Variants in LRP1B observed in about 807,000 individuals in gnomAD.
LRP1B encodes LDL receptor related protein 1B, also known as low-density lipoprotein receptor-related protein 1B.
LRP1B carries 217 observed loss-of-function variants against 556.6 expected under a neutral mutation model. That is an observed-to-expected ratio of 0.39 (90% CI 0.35 to 0.44). The LOEUF (loss-of-function observed/expected upper bound fraction) is 0.44, where lower values mean the gene tolerates loss of function less well. Ranked by LOEUF, LRP1B falls within the 20% of genes least tolerant of loss-of-function variation. LRP1B has a pLI of 1.00. For missense variants in LRP1B, 5,053 were observed against 5,620.8 expected (o/e 0.90, Z 3.23); for synonymous variants, 2,047 against 1,865.8 (o/e 1.10, Z -2.50).
At chr2:140,936,380 G>C (rs1219257798) in intron 20 of LRP1B, among the ~76,000 whole-genome samples, 1 of 138,578 alleles carries the variant, frequency 7.2e-6, no homozygotes, top group African/African-American at 2.7e-5. Flanking sequence ...AAAAAGAAAA[G>C]AAAAGGAAGA....
chr2:141,209,469 C>A (rs1682448810), intron 6 of LRP1B, among the ~76,000 whole-genome samples: 1 of 152,108 alleles, frequency 6.6e-6, no homozygotes, highest in African/African-American at 2.4e-5. Flanking sequence ...TATAAATTAC[C>A]CAGTCTCAGG....
chr2:141,996,713 T>C lies in LRP1B; in HGVS notation c.82+133935A>G, dbSNP rs942520667. Among the ~76,000 whole-genome samples, 177 of 145,736 alleles carry C rather than the reference T, an allele frequency of 1.2e-3. 2 individuals are homozygous for C. The highest frequency in any genetic ancestry group is 1.6e-3 in the South Asian group (7 of 4,462). ...ATTTCCTGTATTTAAATTTTTTCTT[T>C]CCCCCCCCCTACAAACTAGTGACAC... On this transcript the variant is annotated intron_variant, in intron 1 of 90. Transcript: ENST00000389484.
At chr2:140,465,082 G>T (rs566730066) in intron 60 of LRP1B, among the ~76,000 whole-genome samples, 3 of 152,240 alleles carry the variant, frequency 2.0e-5, no homozygotes, top group African/African-American at 7.2e-5. Flanking sequence ...GCAGCATGGT[G>T]CTGGCATCAT....
chr2:141,227,788 A>T (rs192170140), intron 6 of LRP1B, among the ~76,000 whole-genome samples: 2 of 152,212 alleles, frequency 1.3e-5, no homozygotes, highest in Non-Finnish European at 2.9e-5. Context: ...ATTTCTTTAC[A>T]TAAGGGTTAA....
At chr2:141,035,147 T>C (rs1698493665) in intron 11 of LRP1B, among the ~76,000 whole-genome samples, 1 of 151,670 alleles carries the variant, frequency 6.6e-6, no homozygotes, top group South Asian at 2.1e-4. Flanking sequence ...TAGATGGGAA[T>C]TGAACAATGA....
rs776567264 is a variant in LRP1B at position 141,049,048 on chromosome 2, G to C, written c.1727C>G (p.Thr576Ser). 2 of 1,613,542 alleles carry C rather than the reference G, an allele frequency of 1.2e-6. No homozygotes were observed. Among genetic ancestry groups the C allele is most frequent in the South Asian group, 2.2e-5 (2 of 91,076 alleles). Residue 576 changes from threonine to serine, a missense_variant, in exon 11 of 91, where the codon ACC becomes AGC. Coordinates refer to ENST00000389484, the MANE Select transcript of LRP1B (RefSeq NM_018557.3). ...ETNYIYFADT[T>S]SFLIGRQKID... is the part of the protein sequence containing the mutation. The stretch of plus-strand genomic sequence containing the variant: ...CTTCTGCCGGCCAATTAGGAAACTG[G>C]TGGTGTCAGCAAAGTAGATGTAATT...
chr2:141,482,249 G>C (rs138879501), intron 2 of LRP1B, among the ~76,000 whole-genome samples: 79 of 152,222 alleles, frequency 5.2e-4, no homozygotes, highest in East Asian at 2.3e-3. Flanking sequence ...AAATTATTTT[G>C]TTGGATGCTA....
chr2:140,326,332 T>C lies in LRP1B; in HGVS notation c.12224-454A>G, dbSNP rs556838378. The stretch of plus-strand genomic sequence containing the variant: ...TCACGAAGGTACAGTTCTCAGAATA[T>C]ACAAGGTTCATGTATTTAATTAAAA... On this transcript the variant is annotated intron_variant, in intron 79 of 90. Transcript: ENST00000389484. 3.5e-4 allele frequency among the ~76,000 whole-genome samples: 52 copies of C among 149,502 alleles called. 1 individual carries two copies. The highest frequency in any genetic ancestry group is 6.9e-4 in the Non-Finnish European group (47 of 67,994).
chr2:141,210,116 C>T (rs188057951), intron 6 of LRP1B, among the ~76,000 whole-genome samples: 12 of 151,594 alleles, frequency 7.9e-5, no homozygotes, highest in Admixed American at 6.6e-4. Context: ...TGAAATGCGG[C>T]GTGCATTTTA....
chr2:140,252,737 T>C (rs1262682260), intron 86 of LRP1B, among the ~76,000 whole-genome samples: 1 of 152,100 alleles, frequency 6.6e-6, no homozygotes, highest in African/African-American at 2.4e-5. Context: ...TGTGGTCAGC[T>C]GTGCCCAATA....
chr2:140,346,716 A>ATG lies in LRP1B; in HGVS notation c.11892+4079_11892+4080dup, dbSNP rs538373865. On this transcript the variant is annotated intron_variant, in intron 77 of 90. Coordinates refer to ENST00000389484, the MANE Select transcript of LRP1B (RefSeq NM_018557.3). Reference sequence around the variant, plus strand: ...ACCTATGCACTTTGTGTGTGCATGCATGTGTGTGTGTATGTTTGTGATACA... The same window carrying ATG: ...ACCTATGCACTTTGTGTGTGCATGCATGTGTGTGTGTGTATGTTTGTGATACA... Among the ~76,000 whole-genome samples, 263 of 151,934 alleles carry ATG rather than the reference A, an allele frequency of 1.7e-3. 1 individual carries two copies. Among genetic ancestry groups the ATG allele is most frequent in the African/African-American group, 5.1e-3 (211 of 41,526 alleles).
At chr2:140,696,961 C>T (rs1463482428) in intron 41 of LRP1B, among the ~76,000 whole-genome samples, 3 of 152,120 alleles carry the variant, frequency 2.0e-5, no homozygotes, top group Admixed American at 1.3e-4. Flanking sequence ...TCTTTAGATA[C>T]ACTTTCTCAT....
chr2:140,260,183 A>T (rs1345699877), intron 86 of LRP1B, among the ~76,000 whole-genome samples: 1 of 151,982 alleles, frequency 6.6e-6, no homozygotes, highest in African/African-American at 2.4e-5. Context: ...AATATATATT[A>T]TAAGGAGTGT....
At chr2:141,293,334 G>T (rs1686047689) in intron 3 of LRP1B, among the ~76,000 whole-genome samples, 1 of 152,120 alleles carries the variant, frequency 6.6e-6, no homozygotes, top group African/African-American at 2.4e-5. Context: ...AAAATCTTTT[G>T]TTTTCCTGGT....
chr2:141,814,435 G>C (rs535779555), intron 1 of LRP1B, among the ~76,000 whole-genome samples: 1 of 152,136 alleles, frequency 6.6e-6, no homozygotes, highest in South Asian at 2.1e-4. Context: ...TGGCTACTAT[G>C]TTGAGAATAT....
In LRP1B at chr2:140,373,019, C is replaced by G. The variant is rs376189849; in HGVS notation, c.10757G>C (p.Ser3586Thr). ...TTCAATCCTTTTACCTGGCTCACAG[C>G]TTTTCTCATCTTCCCCATATTTGCA... ...EDCKYGEDEK[S>T]CEPASPTCSS... Residue 3586 changes from serine to threonine, a missense_variant, in exon 69 of 91, where the codon AGC (serine) becomes ACC (threonine). Ser to Thr is a moderately conservative substitution (Grantham distance 58, BLOSUM62 1). Coordinates refer to ENST00000389484, the MANE Select transcript of LRP1B (RefSeq NM_018557.3). 62 of 1,613,086 alleles carry G rather than the reference C, an allele frequency of 3.8e-5. No individual in the cohort carries two copies. The highest frequency in any genetic ancestry group is 4.7e-5 in the Non-Finnish European group (55 of 1,179,558).
intron 18 of LRP1B, among the ~76,000 whole-genome samples, chr2:140,977,295 C>A (rs1171695862): frequency 2.6e-5 from 4 of 152,138 alleles, no homozygotes. Flanking sequence ...TCATACCACC[C>A]ACCTAAGATA....
chr2:140,539,704 G>A (rs1680063932), intron 45 of LRP1B, among the ~76,000 whole-genome samples: 1 of 152,190 alleles, frequency 6.6e-6, no homozygotes, highest in South Asian at 2.1e-4. Flanking sequence ...GCTTACAGAT[G>A]GCATCAGATC....
intron 32 of LRP1B, among the ~76,000 whole-genome samples, chr2:140,800,020 T>C (rs994694264): frequency 3.3e-5 from 5 of 152,060 alleles, no homozygotes; most frequent in African/African-American, 1.2e-4. Flanking sequence ...AATGATAGAC[T>C]AGATTAAGAA....
Sources: gnomAD v4.1 joint callset for allele counts (sites outside exome capture counted in the v4.1 genomes callset) on GRCh38, gnomAD v4.1.1 for gene constraint, MANE v1.5 for transcripts, NCBI Gene and HGNC (gene_info 2026-07-23, HGNC 2026-07-21) for gene names.